Variants in FTCDNL1 observed in about 807,000 individuals in gnomAD.
The protein encoded by FTCDNL1 is formiminotransferase N-terminal subdomain-containing protein.
Under a neutral mutation model 5.9 loss-of-function variants are expected in FTCDNL1, and 11 were observed. The ratio of observed to expected loss-of-function variants is 1.87; its 90% CI spans 1.18 to 3.10. FTCDNL1 has a LOEUF of 3.10. FTCDNL1 is among the 30% of genes most tolerant of loss of function. The pLI, the probability that FTCDNL1 is intolerant of heterozygous loss-of-function variation, is 0.00. For missense variants in FTCDNL1, 115 were observed against 65.5 expected, an observed-to-expected ratio of 1.76 and a Z score of -2.61; for synonymous variants, 58 against 24.8, an observed-to-expected ratio of 2.34 and a Z score of -3.99.
chr2:199,734,175 G>A, the FTCDNL1 span, among the ~76,000 whole-genome samples: 2 of 152,164 alleles, frequency 1.3e-5, no homozygotes, highest in African/African-American at 2.4e-5. Flanking sequence ...GTGGAAGGCA[G>A]GTCTGGAAAG....
chr2:199,762,905 G>A (rs1334699307), intron 3 of FTCDNL1, among the ~76,000 whole-genome samples: 1 of 152,118 alleles, frequency 6.6e-6, no homozygotes, highest in Non-Finnish European at 1.5e-5. Flanking sequence ...AAAATGCAAG[G>A]TTCAGTGTTA....
the FTCDNL1 span, among the ~76,000 whole-genome samples, chr2:199,744,213 C>G: frequency 1.8e-4 from 27 of 152,314 alleles, no homozygotes; most frequent in African/African-American, 6.3e-4. Flanking sequence ...GAGATGGACT[C>G]TTTAAGCCCC....
downstream of FTCDNL1, among the ~76,000 whole-genome samples, chr2:199,806,204 A>G (rs918484032): frequency 6.6e-6 from 1 of 152,132 alleles, no homozygotes. Context: ...TAATTGTTTT[A>G]TCTATGAAAA....
the FTCDNL1 span, among the ~76,000 whole-genome samples, chr2:199,673,118 A>C: frequency 6.6e-6 from 1 of 152,076 alleles, no homozygotes; most frequent in African/African-American, 2.4e-5. Context: ...ACTTGAGGCC[A>C]GGAGTTTGAG....
At chr2:199,742,330 T>C in the FTCDNL1 span, among the ~76,000 whole-genome samples, 1 of 152,200 alleles carries the variant, frequency 6.6e-6, no homozygotes, top group South Asian at 2.1e-4. Context: ...TATACCAATG[T>C]GGGGTGGGGG....
the FTCDNL1 span, among the ~76,000 whole-genome samples, chr2:199,742,336 G>T: frequency 6.6e-6 from 1 of 152,026 alleles, no homozygotes; most frequent in African/African-American, 2.4e-5. Flanking sequence ...AATGTGGGGT[G>T]GGGGGAATTC....
At position 199,802,458 on chromosome 2, in the gene FTCDNL1, G is replaced by A. The variant is rs77009790; in HGVS notation, c.212-41623C>T. On this transcript the variant is annotated intron_variant, in intron 3 of 3. Coordinates refer to the FTCDNL1 transcript ENST00000416668. ...CTAAAATTGCATAAAATGTAGGGAT[G>A]TGAATTAAAAGTAAAAGAAATGACC... Among the ~76,000 whole-genome samples the A allele has an allele frequency of 4.1e-3, 622 of 152,334 alleles. 36 individuals are homozygous for A. The East Asian group carries it at 0.11, about 27-fold the overall frequency.
the FTCDNL1 span, among the ~76,000 whole-genome samples, chr2:199,685,695 A>G: frequency 6.6e-6 from 1 of 152,200 alleles, no homozygotes; most frequent in Non-Finnish European, 1.5e-5. Context: ...TCCTAATCCA[A>G]CACTATGGGA....
At chr2:199,780,577 G>A (rs1699314186) in intron 3 of FTCDNL1, among the ~76,000 whole-genome samples, 1 of 152,188 alleles carries the variant, frequency 6.6e-6, no homozygotes, top group African/African-American at 2.4e-5. Context: ...CTCAAAACCA[G>A]CCCATCTCTT....
the FTCDNL1 span, among the ~76,000 whole-genome samples, chr2:199,755,128 C>T: frequency 1.3e-5 from 2 of 152,208 alleles, no homozygotes; most frequent in African/African-American, 4.8e-5. Context: ...GAAATGATTG[C>T]AACTCTTCCA....
rs546618529 is a variant in FTCDNL1 at position 199,778,344 on chromosome 2, T to C, written c.212-17509A>G. On this transcript the variant is annotated intron_variant, in intron 3 of 3. Transcript: ENST00000416668. Reference sequence around the variant, plus strand: ...ACTGAGGAATAAAAAACTGGGAACATGGTAGAAACACAGAAAAATGGTGAC... The same window carrying C: ...ACTGAGGAATAAAAAACTGGGAACACGGTAGAAACACAGAAAAATGGTGAC... Among the ~76,000 whole-genome samples the C allele has an allele frequency of 2.3e-3, 351 of 152,298 alleles. 1 individual carries two copies. The highest frequency in any genetic ancestry group is 3.9e-3 in the Non-Finnish European group (262 of 68,022).
At chr2:199,714,875 T>C in the FTCDNL1 span, among the ~76,000 whole-genome samples, 2 of 143,048 alleles carry the variant, frequency 1.4e-5, no homozygotes, top group East Asian at 4.1e-4. Flanking sequence ...TTCTCACTCA[T>C]AGGTGGGAAA....
At chr2:199,778,016 G>T (rs1699179221) in intron 3 of FTCDNL1, among the ~76,000 whole-genome samples, 1 of 152,156 alleles carries the variant, frequency 6.6e-6, no homozygotes, top group Admixed American at 6.5e-5. Flanking sequence ...AGAGAACCAA[G>T]AGGAAGAAAC....
intron 3 of FTCDNL1, among the ~76,000 whole-genome samples, 160 bp from the exon 4 acceptor site, chr2:199,819,917 G>A (rs1701582424): frequency 6.6e-6 from 1 of 152,184 alleles, no homozygotes; most frequent in African/African-American, 2.4e-5. Flanking sequence ...GTTGCACACT[G>A]TTGTGCAACC....
chr2:199,829,638 T>A (rs929608409), intron 3 of FTCDNL1, among the ~76,000 whole-genome samples: 2 of 152,234 alleles, frequency 1.3e-5, no homozygotes, highest in Admixed American at 6.5e-5. Context: ...ATCTGCTTAA[T>A]TAAATGTATC....
At chr2:199,675,428 T>A in the FTCDNL1 span, among the ~76,000 whole-genome samples, 1 of 152,126 alleles carries the variant, frequency 6.6e-6, no homozygotes, top group Non-Finnish European at 1.5e-5. Context: ...ACAATTAAAA[T>A]TAATAAATTT....
the FTCDNL1 span, among the ~76,000 whole-genome samples, chr2:199,719,363 T>G: frequency 6.6e-6 from 1 of 152,160 alleles, no homozygotes; most frequent in Non-Finnish European, 1.5e-5. Context: ...TATGTGGCCT[T>G]ATTTTCGGGT....
At chr2:199,682,644 A>G in the FTCDNL1 span, among the ~76,000 whole-genome samples, 1 of 152,238 alleles carries the variant, frequency 6.6e-6, no homozygotes, top group African/African-American at 2.4e-5. Flanking sequence ...AACTCACCAG[A>G]ACTTTCAAAA....
intron 2 of FTCDNL1, among the ~76,000 whole-genome samples, 193 bp from the exon 3 acceptor site, chr2:199,846,363 C>T (rs952009595): frequency 2.6e-5 from 4 of 152,186 alleles, no homozygotes; most frequent in African/African-American, 9.7e-5. Context: ...TATTGTATAA[C>T]CAGATGGCTC....
Sources: allele counts gnomAD v4.1 joint callset (sites outside exome capture counted in the v4.1 genomes callset), GRCh38; gene constraint gnomAD v4.1.1; transcripts MANE v1.5; gene names NCBI Gene and HGNC (gene_info 2026-07-23, HGNC 2026-07-21).